HIPK2: variants seen among roughly 807,000 people sequenced by gnomAD.
HIPK2 encodes the protein homeodomain interacting protein kinase 2, also known as homeodomain-interacting protein kinase 2.
In HIPK2, 27 loss-of-function variants were observed where a neutral mutation model predicts 113.7. The observed-to-expected ratio is 0.24, with a 90% CI of 0.17 to 0.33. The LOEUF is 0.33. HIPK2 is among the 10% of genes least tolerant of loss of function. HIPK2 has a pLI of 1.00. For missense variants in HIPK2, 1,257 were observed against 1,588.0 expected, an observed-to-expected ratio of 0.79 and a Z score of 3.54; for synonymous variants, 631 against 642.2, an observed-to-expected ratio of 0.98 and a Z score of 0.26.
intron 1 of HIPK2, among the ~76,000 whole-genome samples, chr7:139,719,942 G>A (rs563926864): frequency 6.6e-6 from 1 of 152,124 alleles, no homozygotes; most frequent in African/African-American, 2.4e-5. Flanking sequence ...AAACATCTCT[G>A]AGCATGCCAC....
At chr7:139,695,675 C>T (rs1794541475) in intron 2 of HIPK2, among the ~76,000 whole-genome samples, 1 of 151,876 alleles carries the variant, frequency 6.6e-6, no homozygotes, top group Non-Finnish European at 1.5e-5. Flanking sequence ...AACACACACT[C>T]AAGATGAAAA....
rs35481634 is a variant in HIPK2 at position 139,649,549 on chromosome 7, ATG to A, written c.1104-17826_1104-17825del. On this transcript the variant is annotated intron_variant, in intron 2 of 14. Coordinates refer to ENST00000406875, the MANE Select transcript of HIPK2 (RefSeq NM_022740.5). ...CAGAGGTGATGTAGAGCCTGAGGGT[ATG>A]TGTGTGTGTGTGTCTCCTGCTGTTA... Among the ~76,000 whole-genome samples, 8 of 151,230 alleles carry A rather than the reference ATG, an allele frequency of 5.3e-5. No homozygotes were observed. In the East Asian group the frequency reaches 9.7e-4, roughly 18 times the overall value.
intron 1 of HIPK2, among the ~76,000 whole-genome samples, chr7:139,764,777 C>T (rs1156754558): frequency 6.6e-6 from 1 of 152,038 alleles, no homozygotes; most frequent in Admixed American, 6.5e-5. Flanking sequence ...GAGAGCAGCA[C>T]CCAGACAAAC....
chr7:139,624,528 G>A (rs1585292818), intron 6 of HIPK2, among the ~76,000 whole-genome samples: 1 of 152,148 alleles, frequency 6.6e-6, no homozygotes, highest in Non-Finnish European at 1.5e-5. Flanking sequence ...CGTCAAACCT[G>A]AAATTGCTCC....
intron 1 of HIPK2, among the ~76,000 whole-genome samples, chr7:139,735,717 C>T (rs1010529607): frequency 3.3e-5 from 5 of 152,140 alleles, no homozygotes; most frequent in South Asian, 2.1e-4. Flanking sequence ...TCAGAGTCAG[C>T]GACCCCTTTA....
rs187857574 is a variant in HIPK2 at position 139,591,584 on chromosome 7, G to A, written c.2717+5133C>T. Among the ~76,000 whole-genome samples the A allele has an allele frequency of 1.8e-4, 28 of 152,304 alleles. No individual in the cohort carries two copies. The East Asian group carries it at 5.2e-3, about 28-fold the overall frequency. Reference sequence around the variant, plus strand: ...TGACAGCAGCTGGGGACAGTAGGGTGAAGTGTCTCTTCTTCAAAATACACC... The same window carrying A: ...TGACAGCAGCTGGGGACAGTAGGGTAAAGTGTCTCTTCTTCAAAATACACC... On this transcript the variant is annotated intron_variant, in intron 12 of 14. Transcript: ENST00000406875.
At chr7:139,584,454 A>G (rs779214556) in intron 12 of HIPK2, among the ~76,000 whole-genome samples, 1 of 152,210 alleles carries the variant, frequency 6.6e-6, no homozygotes, top group Non-Finnish European at 1.5e-5. Context: ...GGAGAGAACC[A>G]GCAAGAACCC....
At chr7:139,764,291 G>C (rs1796517724) in intron 1 of HIPK2, among the ~76,000 whole-genome samples, 1 of 152,194 alleles carries the variant, frequency 6.6e-6, no homozygotes, top group African/African-American at 2.4e-5. Context: ...AGGCTCACAG[G>C]AACCTAACTC....
At chr7:139,596,673 C>T (rs780883914) in intron 12 of HIPK2, 44 bp downstream of exon 12, 3 of 1,592,682 alleles carry the variant, frequency 1.9e-6, no homozygotes, top group Admixed American at 3.4e-5. Context: ...ACAATGCAAA[C>T]CCTCCCGGCT....
Position 139,572,790 on chromosome 7 carries a change from C to CCCCCA in HIPK2, c.*136_*137insTGGGG. 1 of 216,324 alleles carries CCCCCA rather than the reference C, an allele frequency of 4.6e-6. No individual in the cohort carries two copies. The allele number at this position is 216,324 out of a possible 1,614,324, so 13.4% of individuals were successfully genotyped here. ...CCCCCCCCCCCCCCCCCGCCCCTGC[C>CCCCCA]CCGTTTGCATTGTTTGTGTGCGGCA... is the stretch of plus-strand genomic sequence containing the variant. On this transcript the variant is annotated 3_prime_UTR_variant, in exon 15 of 15. Coordinates refer to ENST00000406875, the MANE Select transcript of HIPK2 (RefSeq NM_022740.5).
intron 1 of HIPK2, among the ~76,000 whole-genome samples, chr7:139,729,207 C>T (rs1585429623): frequency 2.0e-5 from 3 of 152,012 alleles, no homozygotes; most frequent in Admixed American, 1.3e-4. Context: ...CACCCATAGT[C>T]CCAGCTATTC....
chr7:139,601,948 T>C (rs1290308401), intron 10 of HIPK2, among the ~76,000 whole-genome samples: 3 of 146,508 alleles, frequency 2.0e-5, no homozygotes, highest in African/African-American at 7.6e-5. Context: ...TATTATGGCT[T>C]CTTTTTTTTT....
At chr7:139,584,164 G>GA in intron 12 of HIPK2, 100 bp from the exon 13 acceptor site, 1 of 1,470,864 alleles carries the variant, frequency 6.8e-7, no homozygotes, top group Non-Finnish European at 9.1e-7. Flanking sequence ...AGGCAGAGGG[G>GA]AGAGGGCAGG....
At position 139,690,077 on chromosome 7, in the gene HIPK2, T is replaced by C. The variant is rs1025223093; in HGVS notation, c.1103+25855A>G. 6.6e-4 allele frequency among the ~76,000 whole-genome samples: 24 copies of C among 36,330 alleles called. No individual in the cohort carries two copies. The East Asian group carries it at 0.014, about 22-fold the overall frequency. The allele number at this position is 36,330 out of a possible 152,430, so 23.8% of individuals were successfully genotyped here. On this transcript the variant is annotated intron_variant, in intron 2 of 14. Transcript: ENST00000406875. ...AGCGGTGGGGGCGGGGGTGGGGGAG[T>C]GCGGGGAGGGACAGCTGACACAGCA...
rs754430570 is a variant in HIPK2, at chr7:139,572,892, TCTCCCTCC to T, written c.*27_*34del. ...CTCTCCCTCCTCCCTCGGGCCATTC[TCTCCCTCC>T]CTCCCTCCCTCCCTCCCCTCCAGTG... On this transcript the variant is annotated 3_prime_UTR_variant, in exon 15 of 15. Transcript: ENST00000406875. 44 of 655,372 alleles carry T rather than the reference TCTCCCTCC, an allele frequency of 6.7e-5. 1 individual carries two copies. The highest frequency in any genetic ancestry group is 2.0e-4 in the East Asian group (7 of 34,670). The allele number at this position is 655,372 out of a possible 1,614,324, so 40.6% of individuals were successfully genotyped here. A position where few individuals can be genotyped will look rare whatever the true frequency, so the allele number is the denominator to read the frequency against.
chr7:139,577,204 A>G (rs1798521767), intron 13 of HIPK2, among the ~76,000 whole-genome samples: 1 of 135,760 alleles, frequency 7.4e-6, no homozygotes, highest in Non-Finnish European at 1.5e-5. Context: ...GCTGGAGTGC[A>G]ATGGTGCGAT....
At chr7:139,696,520 T>C (rs1794572216) in intron 2 of HIPK2, among the ~76,000 whole-genome samples, 1 of 151,734 alleles carries the variant, frequency 6.6e-6, no homozygotes, top group African/African-American at 2.4e-5. Context: ...GAGTTTGAGG[T>C]TGCAGTGAGC....
chr7:139,776,427 T>C (rs1022610991), intron 1 of HIPK2, among the ~76,000 whole-genome samples: 3 of 152,118 alleles, frequency 2.0e-5, no homozygotes, highest in Admixed American at 1.3e-4. Context: ...GTTTTTTTTT[T>C]TTTAATCAGC....
At chr7:139,698,368 T>C (rs972724005) in intron 2 of HIPK2, among the ~76,000 whole-genome samples, 11 of 152,200 alleles carry the variant, frequency 7.2e-5, no homozygotes, top group African/African-American at 2.7e-4. Context: ...CTGATGGACA[T>C]TTGGGCTGCT....
Sources: gnomAD v4.1 joint callset for allele counts (sites outside exome capture counted in the v4.1 genomes callset) on GRCh38, gnomAD v4.1.1 for gene constraint, MANE v1.5 for transcripts, NCBI Gene and HGNC (gene_info 2026-07-23, HGNC 2026-07-21) for gene names.